PCDHGA5: variants seen among roughly 807,000 people sequenced by gnomAD.
PCDHGA5 encodes the protein protocadherin gamma subfamily A, 5.
In PCDHGA5, 36 loss-of-function variants were observed where a neutral mutation model predicts 56.7. The ratio of observed to expected loss-of-function variants is 0.64; its 90% CI spans 0.49 to 0.84. The LOEUF (loss-of-function observed/expected upper bound fraction) is 0.84, where lower values mean the gene tolerates loss of function less well. PCDHGA5 is among the 40% of genes least tolerant of loss of function. The pLI is 0.00. For missense variants in PCDHGA5, 1,305 were observed against 1,201.5 expected (o/e 1.09, Z -1.27); for synonymous variants, 563 against 520.2 (o/e 1.08, Z -1.12).
intron 2 of PCDHGA5, among the ~76,000 whole-genome samples, chr5:141,503,100 G>A (rs563699751): frequency 6.6e-6 from 1 of 151,592 alleles, no homozygotes; most frequent in South Asian, 2.1e-4. Context: ...TGGTCTGCCC[G>A]CCCCTGCCTC....
At chr5:141,374,144 G>A in intron 1 of PCDHGA5, 1 of 1,610,858 alleles carries the variant, frequency 6.2e-7, no homozygotes, top group Admixed American at 1.7e-5. Flanking sequence ...CACGCTCCTG[G>A]GGACGCTGTG....
chr5:141,482,429 A>G (rs955366858), intron 1 of PCDHGA5, among the ~76,000 whole-genome samples: 1 of 151,366 alleles, frequency 6.6e-6, no homozygotes, highest in African/African-American at 2.4e-5. Flanking sequence ...AAAAATGATA[A>G]TACTGATATT....
chr5:141,478,903 C>T lies in PCDHGA5; in HGVS notation c.2422-15904C>T. On this transcript the variant is annotated intron_variant, in intron 1 of 3. Transcript: ENST00000518069. Reference sequence around the variant, plus strand: ...TGGTATCATTTACATTAGGAATAAGCTGCTGGATACCTCTAACCAGTGGCA... The same window carrying T: ...TGGTATCATTTACATTAGGAATAAGTTGCTGGATACCTCTAACCAGTGGCA... 4.2e-6 allele frequency: 4 copies of T among 957,824 alleles called. No homozygotes were observed. The South Asian group carries it at 7.3e-5, about 18-fold the overall frequency. 59.3% of individuals were successfully genotyped at this position (957,824 alleles called of 1,614,324 possible). A position where few individuals can be genotyped will look rare whatever the true frequency, so the allele number is the denominator to read the frequency against.
In PCDHGA5 at chr5:141,431,538, AGCTGCTTGTAGTCAAC is replaced by A; in HGVS notation, c.2422-63265_2422-63250del. 2 of 1,614,114 alleles carry A rather than the reference AGCTGCTTGTAGTCAAC, an allele frequency of 1.2e-6. No homozygotes were observed. Among genetic ancestry groups the A allele is most frequent in the Non-Finnish European group, 1.7e-6 (2 of 1,180,024 alleles). ...CCGGAGAATCTGGCCTTGGGCACGC[AGCTGCTTGTAGTCAAC>A]GCTACCGACCCTGACGAAGGAGTCA... On this transcript the variant is annotated intron_variant, in intron 1 of 3. Coordinates refer to ENST00000518069, the MANE Select transcript of PCDHGA5 (RefSeq NM_018918.3). This position sits in a 1 kb window ranked among gnomAD's most constrained non-coding sequence, Gnocchi z 4.8.
At position 141,487,447 on chromosome 5, in the gene PCDHGA5, C is replaced by A. The variant is rs758411138; in HGVS notation, c.2422-7360C>A. 4.3e-6 allele frequency: 7 copies of A among 1,614,182 alleles called. No homozygotes were observed. The highest frequency in any genetic ancestry group is 5.9e-6 in the Non-Finnish European group (7 of 1,180,028). Reference sequence around the variant, plus strand: ...TCCGAATCCAGCTAGGGTCAGATGACCCTATCAAGTTTGTTGATGTGGGAG... The same window carrying A: ...TCCGAATCCAGCTAGGGTCAGATGAACCTATCAAGTTTGTTGATGTGGGAG... On this transcript the variant is annotated intron_variant, in intron 1 of 3. Coordinates refer to ENST00000518069, the MANE Select transcript of PCDHGA5 (RefSeq NM_018918.3). The surrounding 1 kb of genome is among the most constrained non-coding windows in gnomAD (Gnocchi z 5.0).
At position 141,486,094 on chromosome 5, in the gene PCDHGA5, C is replaced by G. The variant is rs749887136; in HGVS notation, c.2422-8713C>G. 2 of 1,614,112 alleles carry G rather than the reference C, an allele frequency of 1.2e-6. No homozygotes were observed. Among genetic ancestry groups the G allele is most frequent in the Admixed American group, 3.3e-5 (2 of 60,018 alleles). ...CTGGAAAGCTTACTCTTTTGGGGCCCCTAGACTTTGAGAGTGAGAATTACT... is the reference window on the plus strand; with the variant it reads ...CTGGAAAGCTTACTCTTTTGGGGCCGCTAGACTTTGAGAGTGAGAATTACT... On this transcript the variant is annotated intron_variant, in intron 1 of 3. Coordinates refer to ENST00000518069, the MANE Select transcript of PCDHGA5 (RefSeq NM_018918.3). The surrounding 1 kb of genome is among the most constrained non-coding windows in gnomAD (Gnocchi z 5.0).
intron 1 of PCDHGA5, chr5:141,389,358 A>G: frequency 6.2e-7 from 1 of 1,613,908 alleles, no homozygotes; most frequent in Non-Finnish European, 8.5e-7. Flanking sequence ...CATCATGGCC[A>G]GTGACCTGGA....
rs774140980 is a variant in PCDHGA5, at chr5:141,420,167, T to G, written c.2421+53416T>G. On this transcript the variant is annotated intron_variant, in intron 1 of 3. Transcript: ENST00000518069. ...GAATCCAGAATTTAATTTTTTCACA[T>G]CTGTTGATCATTGTCCAGCCACACA... 3 of 1,614,082 alleles carry G rather than the reference T, an allele frequency of 1.9e-6. No homozygotes were observed. The South Asian group carries it at 3.3e-5, about 18-fold the overall frequency.
chr5:141,414,638 A>C lies in PCDHGA5; in HGVS notation c.2421+47887A>C, dbSNP rs539861509. The C allele has an allele frequency of 7.8e-5, 126 of 1,613,988 alleles. 1 individual carries two copies. In the South Asian group the frequency reaches 1.3e-3, roughly 17 times the overall value. ...GCGCTGGACCCGGACAGCAAAGAGA[A>C]TGCCCAGATTATTTACTCCCTGGCT... On this transcript the variant is annotated intron_variant, in intron 1 of 3. Coordinates refer to ENST00000518069, the MANE Select transcript of PCDHGA5 (RefSeq NM_018918.3).
Position 141,379,889 on chromosome 5 carries a change from C to CTTTTTT in PCDHGA5, c.2421+13163_2421+13168dup, listed in dbSNP as rs70988800. Among the ~76,000 whole-genome samples the CTTTTTT allele has an allele frequency of 6.7e-3, 342 of 50,826 alleles. 49 individuals carry two copies. Among genetic ancestry groups the CTTTTTT allele is most frequent in the African/African-American group, 8.9e-3 (134 of 15,072 alleles). 33.3% of individuals were successfully genotyped at this position (50,826 alleles called of 152,430 possible). On this transcript the variant is annotated intron_variant, in intron 1 of 3. Transcript: ENST00000518069. ...CTTATTTTATGGTCTGTGAAAGCCT[C>CTTTTTT]TTTTTTTTTTTTTTTTTTTTTTTTT...
At chr5:141,435,430 T>C (rs576681937) in intron 1 of PCDHGA5, among the ~76,000 whole-genome samples, 115 of 152,334 alleles carry the variant, frequency 7.5e-4, no homozygotes, top group African/African-American at 2.6e-3. Flanking sequence ...ACTTCTGTTA[T>C]GCATTTCATT....
At chr5:141,423,567 C>T (rs771827702) in intron 1 of PCDHGA5, 4 of 1,613,602 alleles carry the variant, frequency 2.5e-6, no homozygotes, top group Admixed American at 1.7e-5. Flanking sequence ...GGGACACGCT[C>T]ATCAGCCAGG....
At chr5:141,370,904 C>T in intron 1 of PCDHGA5, 4 of 1,614,034 alleles carry the variant, frequency 2.5e-6, no homozygotes, top group Non-Finnish European at 3.4e-6. Context: ...TGCAGCAGTA[C>T]TACCTCAGCC....
At chr5:141,454,000 T>C (rs1048921374) in intron 1 of PCDHGA5, among the ~76,000 whole-genome samples, 2 of 152,214 alleles carry the variant, frequency 1.3e-5, no homozygotes, top group African/African-American at 4.8e-5. Flanking sequence ...TAAACCCACA[T>C]AACATTTTAG....
At chr5:141,423,102 C>T (rs778561065) in intron 1 of PCDHGA5, 7 of 1,613,920 alleles carry the variant, frequency 4.3e-6, no homozygotes, top group Non-Finnish European at 4.2e-6. Context: ...AGCACACGGG[C>T]GAGGTGCGTA....
Position 141,436,609 on chromosome 5 carries a change from A to G in PCDHGA5, c.2422-58198A>G, listed in dbSNP as rs182981534. On this transcript the variant is annotated intron_variant, in intron 1 of 3. Coordinates refer to ENST00000518069, the MANE Select transcript of PCDHGA5 (RefSeq NM_018918.3). ...AAAGGTCGTGGTGATGGCTAGGGCT[A>G]ACAAAAATCTGATTCACAACATGCA... Among the ~76,000 whole-genome samples, 5 of 152,334 alleles carry G rather than the reference A, an allele frequency of 3.3e-5. No homozygotes were observed. The East Asian group carries it at 5.8e-4, about 18-fold the overall frequency.
At chr5:141,385,487 A>G in intron 1 of PCDHGA5, 1 of 1,416,436 alleles carries the variant, frequency 7.1e-7, no homozygotes, top group Admixed American at 3.0e-5. Flanking sequence ...TATAGAACAC[A>G]TAGGATATAG....
intron 1 of PCDHGA5, among the ~76,000 whole-genome samples, chr5:141,439,221 T>G (rs145700274): frequency 1.2e-3 from 182 of 151,852 alleles, no homozygotes; most frequent in African/African-American, 4.3e-3. Flanking sequence ...ATGTGAAAAT[T>G]CTTAGAAGCT....
At chr5:141,423,448 T>A (rs780751840) in intron 1 of PCDHGA5, 1 of 1,613,992 alleles carries the variant, frequency 6.2e-7, no homozygotes, top group East Asian at 2.2e-5. Context: ...CACGTCACAT[T>A]TTGTAGGCGT....
Sources: allele counts gnomAD v4.1 joint callset (sites outside exome capture counted in the v4.1 genomes callset), GRCh38; gene constraint gnomAD v4.1.1; non-coding constraint Gnocchi (gnomAD v3.1); transcripts MANE v1.5; gene names NCBI Gene and HGNC (gene_info 2026-07-23, HGNC 2026-07-21).